Variants in PCSK6 observed in about 807,000 individuals in gnomAD.
PCSK6 encodes the protein proprotein convertase subtilisin/kexin type 6.
PCSK6 carries 85 observed loss-of-function variants against 123.3 expected under a neutral mutation model. The observed-to-expected ratio is 0.69, with a 90% CI of 0.58 to 0.83. The LOEUF (loss-of-function observed/expected upper bound fraction) is 0.83. Among genes scored for constraint, PCSK6 ranks in the 40% least tolerant of loss-of-function variants. The pLI, the probability that PCSK6 is intolerant of heterozygous loss-of-function variation, is 0.00. For synonymous variants in PCSK6, 508 were observed against 516.0 expected (o/e 0.98, Z 0.21); for missense variants, 1,191 against 1,282.3 (o/e 0.93, Z 1.09).
At position 101,406,956 on chromosome 15, in the gene PCSK6, G is replaced by A. The variant is rs1162860802; in HGVS notation, c.824-8380C>T. ...TGAGGTCTGTCCCAGGTCAGGTCCC[G>A]TGATAACTGAGACTGGTTCCCCAGT... On this transcript the variant is annotated intron_variant, in intron 6 of 21. Transcript: ENST00000611716. Among the ~76,000 whole-genome samples the A allele has an allele frequency of 5.3e-5, 8 of 152,308 alleles. No homozygotes were observed. In the East Asian group the frequency reaches 1.3e-3, roughly 26 times the overall value.
chr15:101,342,805 G>C (rs1256910749), intron 13 of PCSK6, among the ~76,000 whole-genome samples: 1 of 152,214 alleles, frequency 6.6e-6, no homozygotes, highest in Non-Finnish European at 1.5e-5. Flanking sequence ...GGGAGACTAA[G>C]GCAGGAGAAT....
At chr15:101,443,492 G>T in intron 2 of PCSK6, 64 bp downstream of exon 2, 2 of 1,106,652 alleles carry the variant, frequency 1.8e-6, no homozygotes, top group African/African-American at 1.6e-5. Flanking sequence ...TCCAGACTCC[G>T]CCATTTTTAA....
intron 13 of PCSK6, among the ~76,000 whole-genome samples, chr15:101,352,551 T>C (rs2040921382): frequency 6.6e-6 from 1 of 152,234 alleles, no homozygotes; most frequent in African/African-American, 2.4e-5. Context: ...ATTCAACACT[T>C]CAGTCTTTTC....
At chr15:101,316,910 G>GTTTTTTTGTT (rs1555444537) in intron 19 of PCSK6, among the ~76,000 whole-genome samples, 1 of 114,972 alleles carries the variant, frequency 8.7e-6, no homozygotes, top group Admixed American at 8.8e-5. Flanking sequence ...ACTTAATTCT[G>GTTTTTTTGTT]TTTTTTTTTT....
At chr15:101,367,503 A>G (rs2141457425) in intron 12 of PCSK6, among the ~76,000 whole-genome samples, 1 of 152,344 alleles carries the variant, frequency 6.6e-6, no homozygotes, top group African/African-American at 2.4e-5. Flanking sequence ...GTGAGGGGGA[A>G]GCATCCTGTG....
intron 6 of PCSK6, among the ~76,000 whole-genome samples, chr15:101,417,730 C>T (rs1215505366): frequency 1.3e-5 from 2 of 151,628 alleles, no homozygotes; most frequent in African/African-American, 4.8e-5. Flanking sequence ...TAGAACACAG[C>T]AACAACAAAT....
intron 11 of PCSK6, among the ~76,000 whole-genome samples, chr15:101,374,210 A>G (rs904690630): frequency 6.6e-6 from 1 of 152,178 alleles, no homozygotes; most frequent in South Asian, 2.1e-4. Context: ...TCTCCTGAGG[A>G]GGCGAAGGCC....
intron 13 of PCSK6, among the ~76,000 whole-genome samples, chr15:101,336,122 C>T (rs369863827): frequency 6.6e-6 from 1 of 152,232 alleles, no homozygotes; most frequent in Non-Finnish European, 1.5e-5. Flanking sequence ...TAGGGAGCAA[C>T]TACTTGAGGT....
rs2057358276 is a variant in PCSK6 at position 101,462,332 on chromosome 15, C to G, written c.298-18672G>C. 5.9e-5 allele frequency among the ~76,000 whole-genome samples: 9 copies of G among 152,182 alleles called. No homozygotes were observed. In the South Asian group the frequency reaches 1.9e-3, roughly 32 times the overall value. On this transcript the variant is annotated intron_variant, in intron 1 of 21. Coordinates refer to ENST00000611716, the MANE Select transcript of PCSK6 (RefSeq NM_002570.5). ...ATACCATGCTCATGGATAGGAAGGT[C>G]CCATATCATAAAGATACATTAGATA...
intron 1 of PCSK6, among the ~76,000 whole-genome samples, chr15:101,449,050 T>C (rs1474495092): frequency 6.6e-6 from 1 of 152,270 alleles, no homozygotes; most frequent in African/African-American, 2.4e-5. Flanking sequence ...AGTGTTTGTA[T>C]ACAGATGTAT....
intron 6 of PCSK6, among the ~76,000 whole-genome samples, chr15:101,420,713 G>A (rs892548732): frequency 4.6e-5 from 7 of 152,224 alleles, no homozygotes; most frequent in African/African-American, 1.7e-4. Context: ...TGAAAAGGGG[G>A]CACAAATCAT....
intron 1 of PCSK6, among the ~76,000 whole-genome samples, chr15:101,487,890 T>C (rs987739708): frequency 2.5e-4 from 38 of 152,278 alleles, no homozygotes; most frequent in African/African-American, 8.7e-4. Flanking sequence ...AAACTAAATA[T>C]CTATATGGAT....
intron 13 of PCSK6, among the ~76,000 whole-genome samples, chr15:101,358,631 CA>C (rs1282606378): frequency 6.6e-6 from 1 of 152,340 alleles, no homozygotes; most frequent in East Asian, 1.9e-4. Context: ...TTAGGATACG[CA>C]GACCTCCCAT....
At chr15:101,426,668 C>G (rs1203844781) in intron 6 of PCSK6, among the ~76,000 whole-genome samples, 1 of 152,182 alleles carries the variant, frequency 6.6e-6, no homozygotes, top group Non-Finnish European at 1.5e-5. Flanking sequence ...AAGAAATTCC[C>G]CCAAGGACTG....
chr15:101,321,141 C>A (rs2040113846), intron 18 of PCSK6, among the ~76,000 whole-genome samples: 1 of 152,230 alleles, frequency 6.6e-6, no homozygotes, highest in South Asian at 2.1e-4. Context: ...GCCTGACCTG[C>A]AGAGCCTGGG....
At chr15:101,326,965 GC>G (rs111819689) in intron 15 of PCSK6, among the ~76,000 whole-genome samples, 4 of 152,008 alleles carry the variant, frequency 2.6e-5, no homozygotes, top group East Asian at 3.9e-4. Context: ...GAATTAGGTA[GC>G]CCCCCCGCAA....
intron 13 of PCSK6, among the ~76,000 whole-genome samples, chr15:101,352,133 T>C (rs1380504136): frequency 6.8e-6 from 1 of 146,970 alleles, no homozygotes; most frequent in Non-Finnish European, 1.5e-5. Flanking sequence ...TAAATATTTT[T>C]CTAATTTTTT....
intron 6 of PCSK6, among the ~76,000 whole-genome samples, chr15:101,407,369 C>T (rs2042810466): frequency 6.6e-6 from 1 of 152,202 alleles, no homozygotes. Flanking sequence ...CTTGTATTTT[C>T]AGTATCTGAT....
intron 13 of PCSK6, among the ~76,000 whole-genome samples, chr15:101,339,729 G>C (rs2040556513): frequency 6.6e-6 from 1 of 152,080 alleles, no homozygotes; most frequent in Non-Finnish European, 1.5e-5. Context: ...AACATAGTGA[G>C]ACTCCGTTTC....
Sources: gnomAD v4.1 joint callset for allele counts (sites outside exome capture counted in the v4.1 genomes callset) on GRCh38, gnomAD v4.1.1 for gene constraint, MANE v1.5 for transcripts, NCBI Gene and HGNC (gene_info 2026-07-23, HGNC 2026-07-21) for gene names.